Variants in ZNF469 observed in about 807,000 individuals in gnomAD.
ZNF469 encodes zinc finger protein 469.
Under a neutral mutation model 1.0 loss-of-function variants are expected in ZNF469, and 1 was observed. The observed-to-expected ratio is 1.00, with a 90% confidence interval of 0.35 to 4.73. The LOEUF (loss-of-function observed/expected upper bound fraction) is 4.73. ZNF469 is among the 30% of genes most tolerant of loss of function. ZNF469 has a pLI of 0.16. For missense variants in ZNF469, 6,100 were observed against 5,356.3 expected (o/e 1.14, Z -4.33); for synonymous variants, 2,703 against 2,363.4 (o/e 1.14, Z -4.17).
At chr16:88,384,642 G>C (rs181942684) in intron 1 of ZNF469, among the ~76,000 whole-genome samples, 179 of 152,336 alleles carry the variant, frequency 1.2e-3, no homozygotes, top group Non-Finnish European at 2.1e-3. Flanking sequence ...AGGCAAAAAG[G>C]AAGGCCAGGG....
At position 88,395,096 on chromosome 16, in the gene ZNF469, C is replaced by G. The variant is rs146695030; in HGVS notation, c.-192+11842C>G. 4.9e-3 allele frequency among the ~76,000 whole-genome samples: 739 copies of G among 152,362 alleles called. 6 individuals carry two copies. Among genetic ancestry groups the G allele is most frequent in the Middle Eastern group, 0.02 (6 of 294 alleles). ...TGAATCAGCCCCAGGGACCCTTCTA[C>G]TTTGAGGTGAACTCTGTAGGCAGAA... On this transcript the variant is annotated intron_variant, in intron 1 of 2. Transcript: ENST00000565624.
the ZNF469 span, among the ~76,000 whole-genome samples, chr16:88,137,491 C>T: frequency 6.6e-6 from 1 of 151,112 alleles, no homozygotes; most frequent in Non-Finnish European, 1.5e-5. Context: ...ATTATGTGCA[C>T]ATATGACCGT....
At chr16:88,320,586 G>A in the ZNF469 span, among the ~76,000 whole-genome samples, 14 of 152,078 alleles carry the variant, frequency 9.2e-5, no homozygotes, top group African/African-American at 2.2e-4. Flanking sequence ...GTTTTACTAC[G>A]TTGGCCAGGC....
At chr16:88,153,687 G>C in the ZNF469 span, among the ~76,000 whole-genome samples, 1 of 152,258 alleles carries the variant, frequency 6.6e-6, no homozygotes, top group Non-Finnish European at 1.5e-5. Context: ...GCAGGCGCTT[G>C]CTGCTGAGAG....
chr16:88,131,970 C>T, the ZNF469 span, among the ~76,000 whole-genome samples: 5,071 of 152,052 alleles, frequency 0.033, no homozygotes, highest in African/African-American at 0.11. Context: ...CGCGCATCTC[C>T]GGGGCTGCTG....
chr16:88,264,101 G>C, the ZNF469 span, among the ~76,000 whole-genome samples: 1 of 152,012 alleles, frequency 6.6e-6, no homozygotes, highest in Non-Finnish European at 1.5e-5. Flanking sequence ...ACCTGCTCCT[G>C]GCACCAAGCT....
the ZNF469 span, among the ~76,000 whole-genome samples, chr16:88,228,055 A>G: frequency 2.5e-3 from 376 of 152,166 alleles, 6 homozygotes; most frequent in South Asian, 0.041. Context: ...TTATGGGGAC[A>G]CCCACCGTTG....
chr16:88,327,182 G>A, the ZNF469 span, among the ~76,000 whole-genome samples: 2 of 152,288 alleles, frequency 1.3e-5, no homozygotes, highest in South Asian at 2.1e-4. Flanking sequence ...CCGGGTGGCC[G>A]CCTCTCCAGA....
the ZNF469 span, among the ~76,000 whole-genome samples, chr16:88,296,221 C>T: frequency 6.6e-6 from 1 of 152,312 alleles, no homozygotes; most frequent in Middle Eastern, 3.4e-3. Context: ...CTCCAGATGC[C>T]TGGGAAGGGG....
rs1375889992 is a variant in ZNF469, at chr16:88,429,148, C to T, written c.1678C>T (p.Pro560Ser). 1 of 1,549,864 alleles carries T rather than the reference C, an allele frequency of 6.5e-7. No homozygotes were observed. Among genetic ancestry groups the T allele is most frequent in the Non-Finnish European group, 8.7e-7 (1 of 1,146,874 alleles). ...YNGMTDPGAQPLFFGVAQPQV... is the reference protein window; with the variant it reads ...YNGMTDPGAQSLFFGVAQPQV... ...CGGAATGACAGACCCTGGGGCTCAG[C>T]CCCTGTTCTTCGGGGTGGCCCAGCC... The change falls in exon 3 of 3, where the codon CCC (proline) becomes TCC (serine). Residue 560 changes from proline to serine, a missense_variant. Coordinates refer to ENST00000565624, the MANE Select transcript of ZNF469 (RefSeq NM_001367624.2).
chr16:88,216,777 C>G, the ZNF469 span, among the ~76,000 whole-genome samples: 1 of 152,108 alleles, frequency 6.6e-6, no homozygotes. Context: ...GGATGTTAAC[C>G]TTTTAACTAT....
chr16:88,406,738 C>T (rs888261996), intron 1 of ZNF469, among the ~76,000 whole-genome samples: 7 of 152,254 alleles, frequency 4.6e-5, no homozygotes, highest in East Asian at 1.9e-4. Context: ...TGTGTGTGTG[C>T]GCCTGGGCAT....
chr16:88,211,462 T>C, the ZNF469 span, among the ~76,000 whole-genome samples: 1 of 152,212 alleles, frequency 6.6e-6, no homozygotes, highest in Non-Finnish European at 1.5e-5. Flanking sequence ...GGTCACATTG[T>C]AGGTTTCTTT....
chr16:88,258,876 G>T, the ZNF469 span, among the ~76,000 whole-genome samples: 1 of 152,230 alleles, frequency 6.6e-6, no homozygotes, highest in Non-Finnish European at 1.5e-5. Context: ...GAAGCTCAGA[G>T]ATGTCCACAG....
At chr16:88,113,074 G>A in the ZNF469 span, among the ~76,000 whole-genome samples, 21 of 152,074 alleles carry the variant, frequency 1.4e-4, no homozygotes, top group African/African-American at 5.1e-4. Flanking sequence ...CACCGCGCCT[G>A]GCCTGCTGTG....
Position 88,408,149 on chromosome 16 carries a change from T to G in ZNF469, c.-191-16658T>G, listed in dbSNP as rs534005735. On this transcript the variant is annotated intron_variant, in intron 1 of 2. Coordinates refer to ENST00000565624, the MANE Select transcript of ZNF469 (RefSeq NM_001367624.2). The stretch of plus-strand genomic sequence containing the variant: ...CCTAAGCCCCCTTAGTACTTTTTTT[T>G]GTTTTTTGTGTGTGTTTTTTTGCAA... Among the ~76,000 whole-genome samples the G allele has an allele frequency of 3.3e-5, 5 of 152,372 alleles. No individual in the cohort carries two copies. In the South Asian group the frequency reaches 1.0e-3, roughly 32 times the overall value.
rs1002115521 is a variant in ZNF469, at chr16:88,436,712, C to A, written c.9242C>A (p.Thr3081Lys). The A allele has an allele frequency of 3.9e-6, 6 of 1,549,140 alleles. No individual in the cohort carries two copies. In the Admixed American group the frequency reaches 1.2e-4, roughly 30 times the overall value. Residue 3081 changes from threonine (T) to lysine (K), a missense_variant, in exon 3 of 3, where the codon ACG becomes AAG. Coordinates refer to ENST00000565624, the MANE Select transcript of ZNF469 (RefSeq NM_001367624.2). ...CCCAGCTTCTTAGACTTCGAGGGCA[C>A]GGCGAGCTCACAGGGGCCACAGAGC... ...PGPSFLDFEG[T>K]ASSQGPQSRR... is the part of the protein sequence containing the mutation.
the ZNF469 span, among the ~76,000 whole-genome samples, chr16:88,167,359 G>A: frequency 2.6e-4 from 39 of 152,202 alleles, no homozygotes; most frequent in East Asian, 7.7e-4. Flanking sequence ...ACCATGCCCC[G>A]CTCGCAGATT....
chr16:88,133,531 G>GTAT, the ZNF469 span, among the ~76,000 whole-genome samples: 4 of 152,014 alleles, frequency 2.6e-5, no homozygotes, highest in African/African-American at 9.7e-5. Context: ...TGTATTAAAT[G>GTAT]TATTATTAAA....
Sources: allele counts gnomAD v4.1 joint callset (sites outside exome capture counted in the v4.1 genomes callset), GRCh38; gene constraint gnomAD v4.1.1; transcripts MANE v1.5; gene names NCBI Gene and HGNC (gene_info 2026-07-23, HGNC 2026-07-21).